Variants in UBR4 observed in about 807,000 individuals in gnomAD.
UBR4 encodes the protein ubiquitin protein ligase E3 component n-recognin 4.
Under a neutral mutation model 575.6 loss-of-function variants are expected in UBR4, and 124 were observed. The observed-to-expected ratio is 0.22, with a 90% confidence interval of 0.19 to 0.25. UBR4 has a LOEUF of 0.25. Among genes scored for constraint, UBR4 ranks in the 10% least tolerant of loss-of-function variants. UBR4 has a pLI of 1.00. For missense variants in UBR4, 4,818 were observed against 6,478.8 expected, an observed-to-expected ratio of 0.74 and a Z score of 8.80; for synonymous variants, 2,455 against 2,473.7, an observed-to-expected ratio of 0.99 and a Z score of 0.22.
intron 63 of UBR4, 121 bp from the exon 64 acceptor site, chr1:19,126,776 G>T: frequency 9.5e-7 from 1 of 1,054,792 alleles, no homozygotes; most frequent in South Asian, 1.6e-5. Flanking sequence ...GGCAGTGAGT[G>T]AATCAGGCTC....
At chr1:19,208,113 C>CT in intron 1 of UBR4, among the ~76,000 whole-genome samples, 1 of 152,322 alleles carries the variant, frequency 6.6e-6, no homozygotes, top group East Asian at 1.9e-4. Flanking sequence ...CTCACACAGC[C>CT]TGCAGAGGAC....
chr1:19,109,672 G>A (rs1377737540), intron 81 of UBR4, among the ~76,000 whole-genome samples: 1 of 152,234 alleles, frequency 6.6e-6, no homozygotes, highest in African/African-American at 2.4e-5. Context: ...GGAAACTAAG[G>A]AACAACTTGC....
In UBR4 at chr1:19,164,239, C is replaced by T; in HGVS notation, c.4700+14G>A. 2 of 1,607,492 alleles carry T rather than the reference C, an allele frequency of 1.2e-6. No individual in the cohort carries two copies. The highest frequency in any genetic ancestry group is 2.2e-5 in the South Asian group (2 of 90,620). On this transcript the variant is annotated intron_variant, in intron 33 of 105. Coordinates refer to ENST00000375254, the MANE Select transcript of UBR4 (RefSeq NM_020765.3). Reference sequence around the variant, plus strand: ...TCAATGTTGTAACCTACAGATACAACTTCATCATCTTACCATCTGCTCAGC... The same window carrying T: ...TCAATGTTGTAACCTACAGATACAATTTCATCATCTTACCATCTGCTCAGC...
rs367771401 is a variant in UBR4 at position 19,099,636 on chromosome 1, C to G, written c.13263G>C (p.Val4421=). 5 of 1,614,000 alleles carry G rather than the reference C, an allele frequency of 3.1e-6. No individual in the cohort carries two copies. Among genetic ancestry groups the G allele is most frequent in the Non-Finnish European group, 4.2e-6 (5 of 1,179,912 alleles). ...NNKIISLDLP[V]AEVYKKVWCT... is the part of the protein sequence containing the mutation. The stretch of plus-strand genomic sequence containing the variant: ...ACCAGACTTTCTTGTAAACTTCAGC[C>G]ACAGGAAGGTCCAAACTAATGATTT... The change falls in exon 90 of 106, where the codon GTG becomes GTC. Residue 4421 remains valine, a synonymous_variant. Coordinates refer to ENST00000375254, the MANE Select transcript of UBR4 (RefSeq NM_020765.3).
At chr1:19,076,959 C>T (rs2076004117) in intron 104 of UBR4, 57 bp from the exon 105 acceptor site, 21 of 1,510,728 alleles carry the variant, frequency 1.4e-5, no homozygotes, top group Admixed American at 4.6e-5. Context: ...CCTCATCTTC[C>T]GCCTCAAGTC....
intron 61 of UBR4, among the ~76,000 whole-genome samples, chr1:19,128,734 G>A (rs2082092523): frequency 6.6e-6 from 1 of 152,142 alleles, no homozygotes; most frequent in African/African-American, 2.4e-5. Context: ...TCTCAGAAGT[G>A]GGCTTTTGCA....
intron 7 of UBR4, 52 bp downstream of exon 7, chr1:19,197,618 C>T: frequency 6.2e-7 from 1 of 1,600,484 alleles, no homozygotes; most frequent in Non-Finnish European, 8.5e-7. Context: ...CAGAACAAGA[C>T]CCTGTCCCAA....
chr1:19,076,831 C>A lies in UBR4; in HGVS notation c.15396G>T (p.Met5132Ile). 1.2e-6 allele frequency: 2 copies of A among 1,613,182 alleles called. No homozygotes were observed. The highest frequency in any genetic ancestry group is 1.7e-6 in the Non-Finnish European group (2 of 1,179,646). The change falls in exon 105 of 106, where the codon ATG becomes ATT. Residue 5132 changes from methionine to isoleucine, a missense_variant. Coordinates refer to ENST00000375254, the MANE Select transcript of UBR4 (RefSeq NM_020765.3). The part of the protein sequence containing the change: ...SLAEYIRHND[M>I]PIYEAADKAL... ...CTTTGTCGGCAGCTTCGTAGATGGG[C>A]ATGTCGTTGTGGCGGATGTACTCAG...
At chr1:19,077,738 A>G in intron 104 of UBR4, 1 of 1,433,506 alleles carries the variant, frequency 7.0e-7, no homozygotes, top group Non-Finnish European at 9.2e-7. Context: ...CGTCTCAAAA[A>G]AACCAAACCA....
intron 11 of UBR4, among the ~76,000 whole-genome samples, chr1:19,188,021 A>C (rs1336196622): frequency 1.4e-5 from 2 of 145,810 alleles, no homozygotes; most frequent in African/African-American, 5.1e-5. Context: ...CTTGTCTCAA[A>C]ACAAAAAATT....
At chr1:19,104,702 A>C in intron 85 of UBR4, 36 bp from the exon 86 acceptor site, 44 of 1,598,420 alleles carry the variant, frequency 2.8e-5, no homozygotes, top group Non-Finnish European at 3.3e-5. Context: ...GTGTGATATC[A>C]CTGCCAAGGA....
intron 1 of UBR4, among the ~76,000 whole-genome samples, chr1:19,207,995 C>T (rs181015262): frequency 1.3e-5 from 2 of 152,300 alleles, no homozygotes; most frequent in Middle Eastern, 3.4e-3. Flanking sequence ...CGTTTGCCAA[C>T]GCCTGCTTTA....
rs1342571300 is a variant in UBR4, at chr1:19,151,828, T to C, written c.7028A>G (p.Asn2343Ser). ...GCCTGTCATCACCATAGTGCTATTG[T>C]TGTTACTAATCTCAATGGTGAAGCC... ...PGGFTIEISN[N>S]NSTMVMTGMR... Residue 2343 changes from asparagine to serine, a missense_variant, in exon 48 of 106, where the codon AAC becomes AGC. Coordinates refer to ENST00000375254, the MANE Select transcript of UBR4 (RefSeq NM_020765.3). The C allele has an allele frequency of 2.5e-6, 4 of 1,610,448 alleles. No homozygotes were observed. Among genetic ancestry groups the C allele is most frequent in the Non-Finnish European group, 3.4e-6 (4 of 1,177,802 alleles).
At chr1:19,112,327 A>G (rs2079989411) in intron 78 of UBR4, 197 bp downstream of exon 78, 4 of 592,562 alleles carry the variant, frequency 6.8e-6, no homozygotes, top group Non-Finnish European at 8.5e-6. Context: ...CATGCCATTT[A>G]CAAGGAAACC....
chr1:19,151,609 A>G (rs1240346226), intron 48 of UBR4, 34 bp downstream of exon 48: 1 of 1,610,470 alleles, frequency 6.2e-7, no homozygotes, highest in Non-Finnish European at 8.5e-7. Context: ...AGTCACAATG[A>G]GGACAGAGTC....
Position 19,153,817 on chromosome 1 carries a change from G to A in UBR4, c.6581C>T (p.Pro2194Leu), listed in dbSNP as rs936748955. The A allele has an allele frequency of 1.2e-6, 2 of 1,614,042 alleles. No individual in the cohort carries two copies. Among genetic ancestry groups the A allele is most frequent in the Non-Finnish European group, 1.7e-6 (2 of 1,180,026 alleles). The change falls in exon 45 of 106, where the codon CCA becomes CTA. Residue 2194 changes from proline (P) to leucine (L), a missense_variant. Physicochemically the swap from Pro to Leu is moderately conservative, Grantham distance 98. Transcript: ENST00000375254. The surrounding 1 kb of genome is among the most constrained non-coding windows in gnomAD (Gnocchi z 4.1). ...TGVPLVVMVKPDTFLIQEIKT... is the reference protein window; with the variant it reads ...TGVPLVVMVKLDTFLIQEIKT... Reference sequence around the variant, plus strand: ...AATCTCCTGGATAAGAAAAGTGTCTGGTTTCACCATAACTACCAGCGGCAC... The same window carrying A: ...AATCTCCTGGATAAGAAAAGTGTCTAGTTTCACCATAACTACCAGCGGCAC...
In UBR4 at chr1:19,160,132, C is replaced by T. The variant is rs757200634; in HGVS notation, c.5556G>A (p.Val1852=). 38 of 1,612,730 alleles carry T rather than the reference C, an allele frequency of 2.4e-5. No homozygotes were observed. In the Admixed American group the frequency reaches 4.2e-4, roughly 18 times the overall value. The stretch of plus-strand genomic sequence containing the variant: ...TCACCATCAGCTGGTCTGTCATCTC[C>T]ACTGCCTTCTCCACAGTGTGTAGCT... ...LSELHTVEKA[V]EMTDQLMVPT... The change falls in exon 39 of 106, where the codon GTG becomes GTA. Residue 1852 remains valine (V), a synonymous_variant. Coordinates refer to ENST00000375254, the MANE Select transcript of UBR4 (RefSeq NM_020765.3).
At position 19,093,626 on chromosome 1, in the gene UBR4, C is replaced by T. The variant is rs1047762439; in HGVS notation, c.13938-140G>A. On this transcript the variant is annotated intron_variant, in intron 95 of 105. Transcript: ENST00000375254. The surrounding 1 kb of genome is among the most constrained non-coding windows in gnomAD (Gnocchi z 4.8). ...ACGTGACACAAAGACCTATCTGCCC[C>T]GGCTCCTGCCACTCTCCCTGTTTAC... 9.7e-6 allele frequency: 9 copies of T among 927,744 alleles called. No individual in the cohort carries two copies. The highest frequency in any genetic ancestry group is 6.8e-5 in the South Asian group (4 of 58,566). The allele number at this position is 927,744 out of a possible 1,614,324, so 57.5% of individuals were successfully genotyped here.
chr1:19,151,507 T>C, intron 48 of UBR4, 136 bp downstream of exon 48: 1 of 941,902 alleles, frequency 1.1e-6, no homozygotes, highest in Non-Finnish European at 1.7e-6. Context: ...CAAATGAAGC[T>C]CAAAGTTTCC....
Sources: allele counts gnomAD v4.1 joint callset (sites outside exome capture counted in the v4.1 genomes callset), GRCh38; gene constraint gnomAD v4.1.1; non-coding constraint Gnocchi (gnomAD v3.1); transcripts MANE v1.5; gene names NCBI Gene and HGNC (gene_info 2026-07-23, HGNC 2026-07-21).